Variants in CLTCL1 observed in about 807,000 individuals in gnomAD.
CLTCL1 encodes the protein clathrin heavy chain 2.
In CLTCL1, 159 loss-of-function variants were observed where a neutral mutation model predicts 190.0. The ratio of observed to expected loss-of-function variants is 0.84; its 90% CI spans 0.74 to 0.95. The LOEUF is 0.95. Among genes scored for constraint, CLTCL1 ranks in the 40% least tolerant of loss-of-function variants. The probability of loss-of-function intolerance (pLI) is 0.00; values close to 1 mark genes in which losing one functional copy is unlikely to be tolerated. For missense variants in CLTCL1, 1,878 were observed against 2,033.4 expected, an observed-to-expected ratio of 0.92 and a Z score of 1.47; for synonymous variants, 752 against 769.6, an observed-to-expected ratio of 0.98 and a Z score of 0.38.
chr22:19,289,466 A>G (rs1395771212), intron 1 of CLTCL1, among the ~76,000 whole-genome samples: 1 of 152,194 alleles, frequency 6.6e-6, no homozygotes, highest in Non-Finnish European at 1.5e-5. Context: ...GATTCAGGGG[A>G]AAAAATGGGG....
rs2086015333 is a variant in CLTCL1 at position 19,234,482 on chromosome 22, A to G, written c.1167+27T>C. On this transcript the variant is annotated intron_variant, in intron 7 of 32. Transcript: ENST00000427926. Reference sequence around the variant, plus strand: ...AAGGTTGGTTCTTAACACTCAGAACACTTGAACAGTATTCAAGGTTTATCA... The same window carrying G: ...AAGGTTGGTTCTTAACACTCAGAACGCTTGAACAGTATTCAAGGTTTATCA... 3.2e-6 allele frequency: 5 copies of G among 1,576,128 alleles called. No individual in the cohort carries two copies. In the East Asian group the frequency reaches 9.1e-5, roughly 29 times the overall value.
chr22:19,237,047 CATGATACCACTGCCACACAAAA>C (rs1357323992), intron 5 of CLTCL1, among the ~76,000 whole-genome samples: 1 of 152,130 alleles, frequency 6.6e-6, no homozygotes, highest in Non-Finnish European at 1.5e-5. Flanking sequence ...AGTCTCAAAA[CATGATACCACTGCCACACAAAA>C]ATGCAGCACT....
chr22:19,253,115 A>T (rs2086648141), intron 3 of CLTCL1, among the ~76,000 whole-genome samples: 2 of 152,158 alleles, frequency 1.3e-5, no homozygotes, highest in African/African-American at 4.8e-5. Context: ...ACAGTCTAAG[A>T]ACTACTTCTT....
intron 2 of CLTCL1, among the ~76,000 whole-genome samples, chr22:19,274,730 C>CT (rs56410068): frequency 0.059 from 8,047 of 135,798 alleles, 284 homozygotes; most frequent in African/African-American, 0.096. Context: ...TTCTTTGTTT[C>CT]TTTTTTTTTT....
In CLTCL1 at chr22:19,254,146, C is replaced by T. The variant is rs371582873; in HGVS notation, c.332G>A (p.Trp111Ter). ...AACAGTGTTCACAGAAACCCATTTC[C>T]AGAAAATCACTTCTTCTGCCATAGT... ...AHTMAEEVIFWKWVSVNTVAL... is the reference protein window; with the variant it reads ...AHTMAEEVIF Residue 111 changes from tryptophan to a stop codon, truncating the protein, a stop_gained, in exon 3 of 33, where the codon TGG (tryptophan) becomes TAG (stop). Transcript: ENST00000427926. LOFTEE classifies it high-confidence loss of function. 6.2e-7 allele frequency: 1 copy of T among 1,613,852 alleles called. No individual in the cohort carries two copies.
At chr22:19,244,722 T>C (rs1194881839) in intron 3 of CLTCL1, among the ~76,000 whole-genome samples, 2 of 152,228 alleles carry the variant, frequency 1.3e-5, no homozygotes, top group African/African-American at 4.8e-5. Context: ...TGGGCCGATG[T>C]CCTGCTTCTA....
intron 2 of CLTCL1, among the ~76,000 whole-genome samples, chr22:19,272,504 CTT>C (rs1231658689): frequency 1.3e-5 from 2 of 152,126 alleles, no homozygotes; most frequent in Non-Finnish European, 2.9e-5. Flanking sequence ...GAGTTTCGCT[CTT>C]GTTGCCCAGG....
chr22:19,279,497 C>T (rs1230830466), intron 1 of CLTCL1, among the ~76,000 whole-genome samples: 1 of 152,162 alleles, frequency 6.6e-6, no homozygotes, highest in African/African-American at 2.4e-5. Flanking sequence ...AATTCTACAA[C>T]ATTATCCATC....
At chr22:19,249,820 C>A in intron 3 of CLTCL1, 1 of 333,120 alleles carries the variant, frequency 3.0e-6, no homozygotes. Flanking sequence ...AATTAACTTT[C>A]ATACCCTGTT....
At chr22:19,209,949 G>C (rs542032185) in intron 20 of CLTCL1, among the ~76,000 whole-genome samples, 3 of 152,110 alleles carry the variant, frequency 2.0e-5, no homozygotes, top group African/African-American at 4.8e-5. Context: ...GGGAGTATAG[G>C]GGGTGAGTAG....
intron 1 of CLTCL1, among the ~76,000 whole-genome samples, chr22:19,288,783 C>G (rs1452497941): frequency 6.6e-6 from 1 of 152,214 alleles, no homozygotes; most frequent in African/African-American, 2.4e-5. Flanking sequence ...AGCAGAGGGG[C>G]TCAAGACAGA....
At chr22:19,209,390 G>T in intron 20 of CLTCL1, 1 of 333,890 alleles carries the variant, frequency 3.0e-6, no homozygotes, top group Non-Finnish European at 5.5e-6. Context: ...CCGGGGGTAG[G>T]ACATGGGACT....
intron 19 of CLTCL1, among the ~76,000 whole-genome samples, chr22:19,212,547 G>A (rs1023290155): frequency 6.8e-6 from 1 of 147,570 alleles, no homozygotes; most frequent in African/African-American, 2.5e-5. Flanking sequence ...GGTGACAGAG[G>A]GAGACCCTAT....
In CLTCL1 at chr22:19,235,924, G is replaced by GT. The variant is rs2086069034; in HGVS notation, c.796-56dup. 2.8e-6 allele frequency: 4 copies of GT among 1,436,664 alleles called. No individual in the cohort carries two copies. In the Middle Eastern group the frequency reaches 7.2e-4, roughly 260 times the overall value. 89.0% of individuals were successfully genotyped at this position (1,436,664 alleles called of 1,614,324 possible). ...AAAGTAAGGAGGAGAAGCCATGCGG[G>GT]TAAAAAGAGCTCACAAATGATAAAG... On this transcript the variant is annotated intron_variant, in intron 5 of 32. Transcript: ENST00000427926.
At chr22:19,206,801 T>C (rs1236263149) in intron 22 of CLTCL1, among the ~76,000 whole-genome samples, 1 of 152,154 alleles carries the variant, frequency 6.6e-6, no homozygotes, top group Non-Finnish European at 1.5e-5. Flanking sequence ...TTGTAACTAA[T>C]ATAGAGTTAT....
At chr22:19,261,889 G>A (rs1025071404) in intron 2 of CLTCL1, among the ~76,000 whole-genome samples, 3 of 152,236 alleles carry the variant, frequency 2.0e-5, no homozygotes, top group Non-Finnish European at 4.4e-5. Context: ...TGAAAGGACT[G>A]ACTCCAATTC....
intron 27 of CLTCL1, 132 bp downstream of exon 27, chr22:19,191,172 T>C: frequency 9.7e-7 from 1 of 1,033,488 alleles, no homozygotes; most frequent in Non-Finnish European, 1.4e-6. Flanking sequence ...CCTAAAACAC[T>C]TTGATACACT....
Position 19,275,623 on chromosome 22 carries a change from C to T in CLTCL1, c.250G>A (p.Ala84Thr). ...NPASKVIALK[A>T]GKTLQIFNIE... ...TTTCTAACAATCCCATCGGGTTTAC[C>T]TTTCAGAGCTATCACCTTAGAGGCT... Residue 84 changes from alanine to threonine, a missense_variant and splice_region_variant, in exon 2 of 33, where the codon GCT becomes ACT. Physicochemically the swap from Ala to Thr is moderately conservative, Grantham distance 58 (BLOSUM62 0). Coordinates refer to ENST00000427926, the MANE Select transcript of CLTCL1 (RefSeq NM_007098.4). 1.3e-6 allele frequency: 2 copies of T among 1,598,230 alleles called. No homozygotes were observed. Among genetic ancestry groups the T allele is most frequent in the Middle Eastern group, 1.7e-4 (1 of 6,038 alleles).
chr22:19,291,430 G>A (rs2088117698), intron 1 of CLTCL1, among the ~76,000 whole-genome samples, 170 bp downstream of exon 1: 1 of 152,148 alleles, frequency 6.6e-6, no homozygotes, highest in African/African-American at 2.4e-5. Context: ...GTCCTCAGGA[G>A]CGGCCGCCGC....
Sources: gnomAD v4.1 joint callset for allele counts (sites outside exome capture counted in the v4.1 genomes callset) on GRCh38, gnomAD v4.1.1 for gene constraint, MANE v1.5 for transcripts, NCBI Gene and HGNC (gene_info 2026-07-23, HGNC 2026-07-21) for gene names.